DRC4: variants seen among roughly 807,000 people sequenced by gnomAD.
DRC4 encodes GAS-11.
chr16:90,023,245 G>T, the DRC4 span, among the ~76,000 whole-genome samples: 2 of 152,192 alleles, frequency 1.3e-5, no homozygotes, highest in African/African-American at 4.8e-5. Flanking sequence ...GACAGGTCCA[G>T]TGCCCTTGGA....
chr16:90,024,124 ACACACACACACACACT>A, the DRC4 span, among the ~76,000 whole-genome samples: 1 of 64,770 alleles, frequency 1.5e-5, no homozygotes, highest in Admixed American at 1.7e-4. Flanking sequence ...TACTAAAAAT[ACACACACACACACACT>A]CACACACACA....
At chr16:90,034,871 G>A in the DRC4 span, among the ~76,000 whole-genome samples, 7 of 142,950 alleles carry the variant, frequency 4.9e-5, no homozygotes, top group African/African-American at 1.8e-4. Context: ...CTATAGATAT[G>A]AGCCACCACA....
chr16:90,024,053 G>A, the DRC4 span, among the ~76,000 whole-genome samples: 1 of 151,342 alleles, frequency 6.6e-6, no homozygotes, highest in African/African-American at 2.4e-5. Context: ...TCCAAGGTGG[G>A]TGGATCACTT....
chr16:90,028,612 G>C, the DRC4 span, among the ~76,000 whole-genome samples: 1 of 152,146 alleles, frequency 6.6e-6, no homozygotes, highest in African/African-American at 2.4e-5. Flanking sequence ...GTTAGTTTAA[G>C]TCTCTTCTTC....
the DRC4 span, chr16:90,035,597 C>T: frequency 6.2e-7 from 1 of 1,613,960 alleles, no homozygotes; most frequent in African/African-American, 1.3e-5. Flanking sequence ...CCCTCTGTGT[C>T]CGGCTGTGTA....
the DRC4 span, chr16:90,035,698 C>T: frequency 1.6e-5 from 26 of 1,614,048 alleles, no homozygotes; most frequent in East Asian, 3.8e-4. Context: ...GTCAGTTTCC[C>T]GTGTGCTCAT....
chr16:90,043,477 C>G, the DRC4 span: 2 of 935,612 alleles, frequency 2.1e-6, no homozygotes, highest in Non-Finnish European at 3.1e-6. Flanking sequence ...CATGTTCTTG[C>G]CATCCTCTTT....
At chr16:90,032,709 G>A in the DRC4 span, 2 of 1,613,066 alleles carry the variant, frequency 1.2e-6, no homozygotes, top group African/African-American at 1.3e-5. Flanking sequence ...TACTCCCATT[G>A]CCCTGCAGGT....
At chr16:90,038,891 G>C in the DRC4 span, among the ~76,000 whole-genome samples, 1 of 152,252 alleles carries the variant, frequency 6.6e-6, no homozygotes, top group Non-Finnish European at 1.5e-5. Flanking sequence ...GGCTTTGTCT[G>C]TGGTGTGCGG....
chr16:90,044,792 C>T, the DRC4 span: 1 of 314,264 alleles, frequency 3.2e-6, no homozygotes, highest in South Asian at 2.5e-5. Context: ...TCTAGGGACA[C>T]CACTGCCCTG....
At chr16:90,025,870 CA>C in the DRC4 span, among the ~76,000 whole-genome samples, 27,042 of 84,606 alleles carry the variant, frequency 0.32, 3,183 homozygotes, top group East Asian at 0.78. Context: ...GACTCCATCT[CA>C]AAAAAAAAAA....
chr16:90,037,196 G>A, the DRC4 span: 1 of 1,563,018 alleles, frequency 6.4e-7, no homozygotes, highest in Non-Finnish European at 8.7e-7. Context: ...GGTTCTGCCT[G>A]CTGAGCCCCT....
the DRC4 span, chr16:90,036,240 TTCTTC>T: frequency 1.4e-6 from 1 of 728,384 alleles, no homozygotes; most frequent in East Asian, 2.6e-5. Flanking sequence ...AACCCCTTTG[TTCTTC>T]TCTTGCAGAG....
chr16:90,020,959 ACTGT>A, the DRC4 span: 4 of 152,248 alleles, frequency 2.6e-5, no homozygotes, highest in Non-Finnish European at 5.9e-5. Flanking sequence ...CTCCAGCGTC[ACTGT>A]CTGACCACCC....
At chr16:90,036,316 T>C in the DRC4 span, 2 of 1,410,710 alleles carry the variant, frequency 1.4e-6, no homozygotes, top group Non-Finnish European at 1.9e-6. Context: ...ACAGGCTCCA[T>C]GTTCTGTAGC....
the DRC4 span, among the ~76,000 whole-genome samples, chr16:90,026,714 C>T: frequency 8.6e-5 from 13 of 151,940 alleles, no homozygotes; most frequent in South Asian, 2.3e-3. Flanking sequence ...GACGGGGTCT[C>T]GTTCTACTGC....
At chr16:90,022,948 G>C in the DRC4 span, among the ~76,000 whole-genome samples, 6 of 152,200 alleles carry the variant, frequency 3.9e-5, no homozygotes, top group African/African-American at 1.2e-4. Context: ...GCTGTCCAGA[G>C]CCCTGTGCTC....
the DRC4 span, chr16:90,036,726 T>A: frequency 8.9e-6 from 7 of 783,174 alleles, no homozygotes; most frequent in Non-Finnish European, 1.5e-5. Context: ...AATGCCCCTC[T>A]CATATCCTTA....
the DRC4 span, chr16:90,029,369 C>T: frequency 2.4e-6 from 3 of 1,239,290 alleles, no homozygotes; most frequent in South Asian, 2.5e-5. Flanking sequence ...GCCTTGTGGG[C>T]CTAGGAGTTC....
Sources: allele counts gnomAD v4.1 joint callset (sites outside exome capture counted in the v4.1 genomes callset), GRCh38; gene constraint gnomAD v4.1.1; transcripts MANE v1.5; gene names NCBI Gene and HGNC (gene_info 2026-07-23, HGNC 2026-07-21).